CAMTA1: variants seen among roughly 807,000 people sequenced by gnomAD.
The protein encoded by CAMTA1 is calmodulin-binding transcription activator 1.
In CAMTA1, 27 loss-of-function variants were observed where a neutral mutation model predicts 170.9. The ratio of observed to expected loss-of-function variants is 0.16; its 90% CI spans 0.12 to 0.22. The LOEUF is 0.22. Ranked by LOEUF, CAMTA1 falls within the 10% of genes least tolerant of loss-of-function variation. The pLI, the probability that CAMTA1 is intolerant of heterozygous loss-of-function variation, is 1.00. For synonymous variants in CAMTA1, 833 were observed against 891.5 expected (o/e 0.93, Z 1.17); for missense variants, 1,619 against 2,217.2 (o/e 0.73, Z 5.42).
intron 3 of CAMTA1, among the ~76,000 whole-genome samples, chr1:7,028,536 C>A (rs75548593): frequency 3.3e-5 from 5 of 152,152 alleles, no homozygotes; most frequent in African/African-American, 1.2e-4. Flanking sequence ...TTCTTGCTGC[C>A]GTCCATGAAT....
At chr1:7,502,621 G>A (rs930045068) in intron 6 of CAMTA1, among the ~76,000 whole-genome samples, 2 of 152,184 alleles carry the variant, frequency 1.3e-5, no homozygotes, top group African/African-American at 4.8e-5. Context: ...TCACCAGGTC[G>A]AGGAGTGGGG....
chr1:7,452,725 G>A lies in CAMTA1; in HGVS notation c.439-15105G>A, dbSNP rs193155049. Among the ~76,000 whole-genome samples the A allele has an allele frequency of 7.9e-5, 12 of 152,298 alleles. No individual in the cohort carries two copies. The East Asian group carries it at 1.9e-3, about 24-fold the overall frequency. On this transcript the variant is annotated intron_variant, in intron 5 of 22. Transcript: ENST00000303635. ...TGGTTCCCCTCTCGGGGTGGATAAC[G>A]TTCCATTGTATGGCGAGCCCACATT...
chr1:7,308,489 A>G (rs376472814), intron 5 of CAMTA1, among the ~76,000 whole-genome samples: 2 of 152,128 alleles, frequency 1.3e-5, no homozygotes, highest in Non-Finnish European at 2.9e-5. Flanking sequence ...ATTTAATAAG[A>G]TGAATTTTCC....
chr1:7,530,812 G>GTTTTTTTTTTTTTTTTTTTTTTTT (rs34013817), intron 6 of CAMTA1, among the ~76,000 whole-genome samples: 1 of 100,792 alleles, frequency 9.9e-6, no homozygotes, highest in African/African-American at 3.9e-5. Flanking sequence ...GTGAGCTCTT[G>GTTTTTTTTTTTTTTTTTTTTTTTT]TTTTTTTTTT....
chr1:6,802,584 A>T (rs750507647), intron 1 of CAMTA1, among the ~76,000 whole-genome samples: 6 of 152,216 alleles, frequency 3.9e-5, no homozygotes, highest in Non-Finnish European at 7.3e-5. Context: ...GGAGTGTCTT[A>T]TGTTCAGATG....
At chr1:7,469,816 C>T (rs1394056177) in intron 6 of CAMTA1, among the ~76,000 whole-genome samples, 2 of 152,236 alleles carry the variant, frequency 1.3e-5, no homozygotes, top group African/African-American at 4.8e-5. Context: ...CTGATGACTT[C>T]CCAAGCTGCA....
chr1:7,416,638 G>A (rs2091196639), intron 5 of CAMTA1, among the ~76,000 whole-genome samples: 1 of 152,028 alleles, frequency 6.6e-6, no homozygotes, highest in Non-Finnish European at 1.5e-5. Flanking sequence ...TCTCTGCATT[G>A]GTTATTCTAG....
rs530162470 is a variant in CAMTA1, at chr1:7,064,178, TCTC to T, written c.235-27113_235-27111del. On this transcript the variant is annotated intron_variant, in intron 3 of 22. Coordinates refer to ENST00000303635, the MANE Select transcript of CAMTA1 (RefSeq NM_015215.4). The surrounding 1 kb of genome is among the most constrained non-coding windows in gnomAD (Gnocchi z 5.4). ...CCCTCCTCCTCCTCTTCCTTCTTCT[TCTC>T]CTCCTCCTCCTCTTCTTTCTCCCCT... is the stretch of plus-strand genomic sequence containing the variant. Among the ~76,000 whole-genome samples the T allele has an allele frequency of 2.9e-4, 44 of 150,524 alleles. No individual in the cohort carries two copies. The highest frequency in any genetic ancestry group is 8.5e-4 in the South Asian group (4 of 4,688).
chr1:6,841,120 G>A (rs538817728), intron 3 of CAMTA1, among the ~76,000 whole-genome samples: 5 of 152,200 alleles, frequency 3.3e-5, no homozygotes, highest in Middle Eastern at 3.4e-3. Context: ...TGATGCCAGC[G>A]ACGTAGAGTC....
chr1:7,172,127 G>C (rs993567821), intron 4 of CAMTA1, among the ~76,000 whole-genome samples: 5 of 151,914 alleles, frequency 3.3e-5, no homozygotes, highest in Non-Finnish European at 7.4e-5. Context: ...GTTGAATCAA[G>C]TGGAGGTGGA....
chr1:7,358,506 C>T (rs1017795906), intron 5 of CAMTA1, among the ~76,000 whole-genome samples: 15 of 152,034 alleles, frequency 9.9e-5, no homozygotes, highest in Middle Eastern at 3.4e-3. Flanking sequence ...GCTTCCGGTG[C>T]GGAGCCTCCC....
chr1:7,506,775 A>G (rs1178015625), intron 6 of CAMTA1, among the ~76,000 whole-genome samples: 1 of 151,520 alleles, frequency 6.6e-6, no homozygotes, highest in African/African-American at 2.4e-5. Context: ...ACTCAATGCA[A>G]ACTCACATGC....
chr1:7,029,329 G>A (rs1702461210), intron 3 of CAMTA1, among the ~76,000 whole-genome samples: 4 of 151,822 alleles, frequency 2.6e-5, no homozygotes, highest in East Asian at 1.9e-4. Flanking sequence ...GTGAAACCCC[G>A]TCTCTACTAA....
intron 6 of CAMTA1, among the ~76,000 whole-genome samples, chr1:7,520,125 C>T (rs2094340553): frequency 6.9e-6 from 1 of 145,582 alleles, no homozygotes; most frequent in Non-Finnish European, 1.5e-5. Flanking sequence ...CAGGGCTTTG[C>T]ACTTGAAGAA....
chr1:7,537,764 G>A (rs2094566038), intron 6 of CAMTA1, among the ~76,000 whole-genome samples: 1 of 152,142 alleles, frequency 6.6e-6, no homozygotes, highest in East Asian at 1.9e-4. Flanking sequence ...TTTTAATTTG[G>A]GATGATTTTA....
intron 3 of CAMTA1, among the ~76,000 whole-genome samples, chr1:6,967,956 C>T (rs1691847282): frequency 6.6e-6 from 1 of 152,170 alleles, no homozygotes; most frequent in Admixed American, 6.5e-5. Context: ...TCTCAGTTGG[C>T]ATTATATCAC....
chr1:7,594,101 A>AAGAAAGAAAGAG (rs2095375390), intron 6 of CAMTA1, among the ~76,000 whole-genome samples: 1 of 147,748 alleles, frequency 6.8e-6, no homozygotes, highest in African/African-American at 2.6e-5. Context: ...GAGAGGAAAG[A>AAGAAAGAAAGAG]AGAAAGAAAG....
At chr1:7,544,809 G>A (rs2094667969) in intron 6 of CAMTA1, among the ~76,000 whole-genome samples, 1 of 152,186 alleles carries the variant, frequency 6.6e-6, no homozygotes, top group South Asian at 2.1e-4. Flanking sequence ...ATAACACGTG[G>A]CAAGAGAGGA....
chr1:6,984,988 G>T (rs1292935452), intron 3 of CAMTA1, among the ~76,000 whole-genome samples: 2 of 152,216 alleles, frequency 1.3e-5, no homozygotes, highest in Non-Finnish European at 2.9e-5. Context: ...CCAGTTTTAC[G>T]TAGACTGCCT....
Sources: gnomAD v4.1 joint callset for allele counts (sites outside exome capture counted in the v4.1 genomes callset) on GRCh38, gnomAD v4.1.1 for gene constraint, Gnocchi (gnomAD v3.1) non-coding constraint, MANE v1.5 for transcripts, NCBI Gene and HGNC (gene_info 2026-07-23, HGNC 2026-07-21) for gene names.